RAB3GAP2: variants seen among roughly 807,000 people sequenced by gnomAD.
RAB3GAP2 encodes the protein rab3 GTPase-activating protein non-catalytic subunit.
A neutral mutation model predicts 185.3 loss-of-function variants in RAB3GAP2; 87 were observed. The ratio of observed to expected loss-of-function variants is 0.47; its 90% CI spans 0.39 to 0.56. The LOEUF is 0.56. RAB3GAP2 is among the 20% of genes least tolerant of loss of function. The pLI, the probability that RAB3GAP2 is intolerant of heterozygous loss-of-function variation, is 0.00. For missense variants in RAB3GAP2, 1,492 were observed against 1,638.2 expected (o/e 0.91, Z 1.54); for synonymous variants, 554 against 576.1 (o/e 0.96, Z 0.55).
rs546817419 is a variant in RAB3GAP2 at position 220,257,105 on chromosome 1, G to A, written c.115+15118C>T. 2.4e-4 allele frequency among the ~76,000 whole-genome samples: 37 copies of A among 152,296 alleles called. No individual in the cohort carries two copies. The South Asian group carries it at 2.7e-3, about 11-fold the overall frequency. On this transcript the variant is annotated intron_variant, in intron 1 of 34. Transcript: ENST00000358951. ...AAGAAATTCACTCAAAAGGCTGGGC[G>A]TCGTGGCTCATGCCTGTAATCCCAG...
chr1:220,248,422 G>A (rs565634423), intron 1 of RAB3GAP2, among the ~76,000 whole-genome samples: 14 of 151,780 alleles, frequency 9.2e-5, no homozygotes, highest in East Asian at 1.9e-4. Context: ...ATTTCATAAC[G>A]TATATCAAAT....
At chr1:220,210,657 G>T in intron 6 of RAB3GAP2, 144 bp downstream of exon 6, 1 of 1,016,620 alleles carries the variant, frequency 9.8e-7, no homozygotes, top group Non-Finnish European at 1.5e-6. Context: ...AACTTGCCAC[G>T]GCCTATCCCG....
intron 12 of RAB3GAP2, among the ~76,000 whole-genome samples, chr1:220,193,751 T>C (rs1466543838): frequency 6.6e-6 from 1 of 152,218 alleles, no homozygotes; most frequent in Admixed American, 6.5e-5. Flanking sequence ...TTCTTCTTAA[T>C]CTTTCTCTTT....
Position 220,153,355 on chromosome 1 carries a change from T to G in RAB3GAP2, c.3697A>C (p.Lys1233Gln). ...GCCTCTTCTGTGGGATCTTTGACCT[T>G]TGTGGCTGAATGTTGGGCCTGGACA... ...AAVQAQHSAT[K>Q]VKDPTEEATP... is the part of the protein sequence containing the mutation. Residue 1233 changes from lysine (K) to glutamine (Q), a missense_variant, in exon 33 of 35, where the codon AAG becomes CAG. Lys to Gln is a moderately conservative substitution (Grantham distance 53). Coordinates refer to ENST00000358951, the MANE Select transcript of RAB3GAP2 (RefSeq NM_012414.4). 1.2e-6 allele frequency: 2 copies of G among 1,614,222 alleles called. No homozygotes were observed. The highest frequency in any genetic ancestry group is 1.7e-6 in the Non-Finnish European group (2 of 1,180,034).
intron 9 of RAB3GAP2, among the ~76,000 whole-genome samples, chr1:220,197,096 C>T (rs555297732): frequency 2.0e-5 from 3 of 151,908 alleles, no homozygotes; most frequent in African/African-American, 7.2e-5. Flanking sequence ...AAGCGATTCT[C>T]TTGCCTCAGC....
chr1:220,188,888 G>A (rs1571890101), intron 17 of RAB3GAP2, among the ~76,000 whole-genome samples: 1 of 152,078 alleles, frequency 6.6e-6, no homozygotes, highest in Non-Finnish European at 1.5e-5. Flanking sequence ...ACACCAATAT[G>A]AATGACACAG....
intron 1 of RAB3GAP2, among the ~76,000 whole-genome samples, chr1:220,252,527 C>T (rs925750051): frequency 1.3e-5 from 2 of 152,200 alleles, no homozygotes; most frequent in African/African-American, 4.8e-5. Flanking sequence ...GGACAAACAG[C>T]TTGACCCAAA....
intron 2 of RAB3GAP2, among the ~76,000 whole-genome samples, chr1:220,226,566 T>G (rs17007187): frequency 0.042 from 6,367 of 152,272 alleles, 281 homozygotes; most frequent in East Asian, 0.21. Context: ...ATCAAGTTAG[T>G]ATAGAGGAAG....
intron 1 of RAB3GAP2, among the ~76,000 whole-genome samples, chr1:220,246,563 A>G (rs1659820188): frequency 9.3e-6 from 1 of 107,160 alleles, no homozygotes; most frequent in African/African-American, 3.9e-5. Context: ...AATGTGGCAC[A>G]TATACACCAT....
intron 1 of RAB3GAP2, among the ~76,000 whole-genome samples, chr1:220,245,895 C>G (rs980215395): frequency 8.5e-5 from 13 of 152,200 alleles, no homozygotes; most frequent in African/African-American, 3.1e-4. Flanking sequence ...GAGGCACCCC[C>G]CAGCGGGGGC....
intron 21 of RAB3GAP2, among the ~76,000 whole-genome samples, chr1:220,173,662 G>A (rs958115977): frequency 5.3e-5 from 8 of 152,156 alleles, no homozygotes; most frequent in Non-Finnish European, 1.2e-4. Flanking sequence ...CTGTGGCAGG[G>A]ATGATGATCC....
intron 24 of RAB3GAP2, among the ~76,000 whole-genome samples, chr1:220,169,141 T>C (rs962761903): frequency 2.0e-5 from 3 of 152,198 alleles, no homozygotes; most frequent in African/African-American, 7.2e-5. Flanking sequence ...ACATGAAGTG[T>C]GGTGAGTTTA....
intron 11 of RAB3GAP2, 37 bp from the exon 12 acceptor site, chr1:220,195,204 T>C: frequency 1.9e-6 from 3 of 1,610,160 alleles, no homozygotes; most frequent in Non-Finnish European, 2.5e-6. Context: ...AAAACTGAGC[T>C]TCCAGGGTTT....
rs140376368 is a variant in RAB3GAP2, at chr1:220,155,473, A to G, written c.3556-1416T>C. On this transcript the variant is annotated intron_variant, in intron 31 of 34. Transcript: ENST00000358951. ...ATTTAAAGATTTAGCATACACTCAC[A>G]ATCTGTTACTCGATAGTTCCCACCT... Among the ~76,000 whole-genome samples, 47 of 152,326 alleles carry G rather than the reference A, an allele frequency of 3.1e-4. No homozygotes were observed. In the East Asian group the frequency reaches 8.7e-3, roughly 28 times the overall value.
At chr1:220,176,085 T>C (rs935883312) in intron 21 of RAB3GAP2, among the ~76,000 whole-genome samples, 2 of 151,996 alleles carry the variant, frequency 1.3e-5, no homozygotes, top group Non-Finnish European at 2.9e-5. Context: ...AGTTACCACA[T>C]AGAAACACAT....
chr1:220,213,732 TGGGGG>T, intron 3 of RAB3GAP2, 119 bp downstream of exon 3: 4 of 565,882 alleles, frequency 7.1e-6, no homozygotes, highest in Non-Finnish European at 1.0e-5. Context: ...GAGGAGGAGT[TGGGGG>T]GGGGGGGAGA....
intron 1 of RAB3GAP2, among the ~76,000 whole-genome samples, chr1:220,260,527 T>C (rs1203757106): frequency 6.6e-6 from 1 of 151,026 alleles, no homozygotes; most frequent in South Asian, 2.1e-4. Context: ...TTCTGACTTA[T>C]AAGTGGGAGC....
At position 220,271,789 on chromosome 1, in the gene RAB3GAP2, A is replaced by G. The variant is rs1390022384; in HGVS notation, c.115+434T>C. On this transcript the variant is annotated intron_variant, in intron 1 of 34. Coordinates refer to ENST00000358951, the MANE Select transcript of RAB3GAP2 (RefSeq NM_012414.4). Reference sequence around the variant, plus strand: ...GGAAGAGAGTGGGAGCTGGGGCAATACCAGAGTGGAGCGCTGACATGTGGC... The same window carrying G: ...GGAAGAGAGTGGGAGCTGGGGCAATGCCAGAGTGGAGCGCTGACATGTGGC... Among the ~76,000 whole-genome samples the G allele has an allele frequency of 2.0e-5, 3 of 151,878 alleles. 1 individual carries two copies. Among genetic ancestry groups the G allele is most frequent in the Admixed American group, 2.0e-4 (3 of 15,238 alleles).
chr1:220,168,399 C>A (rs549410058), intron 24 of RAB3GAP2, among the ~76,000 whole-genome samples: 2 of 139,094 alleles, frequency 1.4e-5, no homozygotes, highest in African/African-American at 5.3e-5. Context: ...GTAAATATTC[C>A]TTTTTTTTTT....
Sources: allele counts gnomAD v4.1 joint callset (sites outside exome capture counted in the v4.1 genomes callset), GRCh38; gene constraint gnomAD v4.1.1; transcripts MANE v1.5; gene names NCBI Gene and HGNC (gene_info 2026-07-23, HGNC 2026-07-21).